PLEKHB1: variants seen among roughly 807,000 people sequenced by gnomAD.
PLEKHB1 encodes pleckstrin homology domain-containing family B member 1.
In PLEKHB1, 29 loss-of-function variants were observed where a neutral mutation model predicts 36.2. The ratio of observed to expected loss-of-function variants is 0.80; its 90% CI spans 0.60 to 1.09. The LOEUF is 1.09. Ranked by LOEUF, PLEKHB1 falls within the 50% of genes least tolerant of loss-of-function variation. PLEKHB1 has a pLI of 0.00. For missense variants in PLEKHB1, 330 were observed against 348.2 expected (o/e 0.95, Z 0.42); for synonymous variants, 138 against 140.0 (o/e 0.99, Z 0.10).
intron 6 of PLEKHB1, among the ~76,000 whole-genome samples, chr11:73,656,115 G>C (rs986338132): frequency 6.6e-6 from 1 of 152,192 alleles, no homozygotes; most frequent in Non-Finnish European, 1.5e-5. Flanking sequence ...TGTTCCCTCT[G>C]CTGACAAGAC....
In PLEKHB1 at chr11:73,651,897, C is replaced by A. The variant is rs1202666792; in HGVS notation, c.350+7C>A. ...AGACCAAGGATGATGCCCTGTGAGTCACTCCCAGGAGAGGATGGGGTGGAA... is the reference window on the plus strand; with the variant it reads ...AGACCAAGGATGATGCCCTGTGAGTAACTCCCAGGAGAGGATGGGGTGGAA... On this transcript the variant is annotated splice_region_variant and intron_variant, in intron 4 of 7. Coordinates refer to ENST00000354190, the MANE Select transcript of PLEKHB1 (RefSeq NM_021200.3). The A allele has an allele frequency of 5.0e-6, 8 of 1,610,662 alleles. No homozygotes were observed. The highest frequency in any genetic ancestry group is 6.8e-6 in the Non-Finnish European group (8 of 1,177,916).
At chr11:73,647,692 G>T in intron 1 of PLEKHB1, 1 of 985,494 alleles carries the variant, frequency 1.0e-6, no homozygotes, top group Non-Finnish European at 1.2e-6. Context: ...CAGCAGCATC[G>T]AGTAGCGGCC....
rs1944868486 is a variant in PLEKHB1, at chr11:73,650,589, C to T, written c.131C>T (p.Ala44Val). The change falls in exon 3 of 8, where the codon GCC (alanine) becomes GTC (valine). Residue 44 changes from alanine to valine, a missense_variant. By Grantham distance (64) the Ala-to-Val change is moderately conservative. Transcript: ENST00000354190. The stretch of plus-strand genomic sequence containing the variant: ...CGCCGCTGGAAGCGGAACTGGTTTG[C>T]CCTGTGGCTGGACGGGACCCTGGGA... ...ILRRWKRNWF[A>V]LWLDGTLGYY... 3 of 1,612,910 alleles carry T rather than the reference C, an allele frequency of 1.9e-6. No homozygotes were observed. Among genetic ancestry groups the T allele is most frequent in the Non-Finnish European group, 2.5e-6 (3 of 1,179,548 alleles).
chr11:73,661,345 G>A lies in PLEKHB1; in HGVS notation c.596-121G>A, dbSNP rs118082478. 0.01 allele frequency: 11,534 copies of A among 1,103,280 alleles called. 148 individuals carry two copies. Among genetic ancestry groups the A allele is most frequent in the Middle Eastern group, 0.038 (159 of 4,190 alleles). The allele number at this position is 1,103,280 out of a possible 1,614,324, so 68.3% of individuals were successfully genotyped here. ...GCGTCTAGATCTGTTCTTTGACTGG[G>A]GAGCAGGAGAGTGGGTTCGGCGCCT... On this transcript the variant is annotated intron_variant, in intron 7 of 7. Coordinates refer to ENST00000354190, the MANE Select transcript of PLEKHB1 (RefSeq NM_021200.3). This position sits in a 1 kb window ranked among gnomAD's most constrained non-coding sequence, Gnocchi z 4.6.
intron 5 of PLEKHB1, 54 bp from the exon 6 acceptor site, chr11:73,655,749 C>G (rs1292217159): frequency 2.4e-5 from 36 of 1,493,426 alleles, no homozygotes; most frequent in Non-Finnish European, 2.8e-5. Flanking sequence ...GTGTAGAGGG[C>G]CTCTGACACC....
chr11:73,649,214 C>A, intron 2 of PLEKHB1, 127 bp downstream of exon 2: 1 of 1,198,168 alleles, frequency 8.3e-7, no homozygotes, highest in Non-Finnish European at 1.2e-6. Flanking sequence ...CCATGCTCTT[C>A]CCTCTGCCTG....
chr11:73,648,749 A>C, intron 1 of PLEKHB1: 3 of 1,235,544 alleles, frequency 2.4e-6, no homozygotes, highest in Non-Finnish European at 3.1e-6. Flanking sequence ...GGATATGGCC[A>C]AAGTTACCAA....
chr11:73,656,006 T>C lies in PLEKHB1; in HGVS notation c.495+99T>C, dbSNP rs1944987310. 3 of 980,762 alleles carry C rather than the reference T, an allele frequency of 3.1e-6. No homozygotes were observed. In the South Asian group the frequency reaches 4.1e-5, roughly 13 times the overall value. The allele number at this position is 980,762 out of a possible 1,614,324, so 60.8% of individuals were successfully genotyped here. ...TCCCTTCCCTGTGACAAACATTCCA[T>C]GGCTCCCTATCACCCACAGGACACA... On this transcript the variant is annotated intron_variant, in intron 6 of 7. Coordinates refer to ENST00000354190, the MANE Select transcript of PLEKHB1 (RefSeq NM_021200.3).
chr11:73,660,923 C>T (rs1945099283), intron 7 of PLEKHB1, 71 bp downstream of exon 7: 1 of 1,373,814 alleles, frequency 7.3e-7, no homozygotes, highest in Middle Eastern at 2.0e-4. Flanking sequence ...AGCCCACGGT[C>T]CGTAAGTCCG....
intron 6 of PLEKHB1, among the ~76,000 whole-genome samples, chr11:73,657,224 T>C (rs1159814528): frequency 1.3e-5 from 2 of 152,162 alleles, no homozygotes; most frequent in Non-Finnish European, 2.9e-5. Flanking sequence ...ATTGTATAGA[T>C]GTGGCACTGT....
chr11:73,649,986 G>C (rs1014813299), intron 2 of PLEKHB1, among the ~76,000 whole-genome samples: 4 of 152,216 alleles, frequency 2.6e-5, no homozygotes, highest in Non-Finnish European at 4.4e-5. Flanking sequence ...AGGATTGCTT[G>C]AGCCCAGGAG....
At chr11:73,655,623 C>T (rs1289755436) in intron 5 of PLEKHB1, among the ~76,000 whole-genome samples, 180 bp from the exon 6 acceptor site, 1 of 152,210 alleles carries the variant, frequency 6.6e-6, no homozygotes, top group African/African-American at 2.4e-5. Context: ...CAGTCATCAG[C>T]ATTCTCTGAG....
chr11:73,650,840 C>G, intron 3 of PLEKHB1, 135 bp downstream of exon 3: 1 of 1,084,438 alleles, frequency 9.2e-7, no homozygotes, highest in Non-Finnish European at 1.3e-6. Context: ...GAGCCTCTGT[C>G]AACTCCAATT....
At chr11:73,660,730 C>T (rs1328176260) in intron 6 of PLEKHB1, 23 bp from the exon 7 acceptor site, 2 of 1,567,424 alleles carry the variant, frequency 1.3e-6, no homozygotes, top group Admixed American at 1.9e-5. Context: ...TTCCTGGGCA[C>T]CTGACATGGT....
chr11:73,651,823 C>T lies in PLEKHB1; in HGVS notation c.283C>T (p.Leu95=), dbSNP rs987219404. 3.1e-6 allele frequency: 5 copies of T among 1,613,612 alleles called. No homozygotes were observed. The African/African-American group carries it at 5.3e-5, about 17-fold the overall frequency. The change falls in exon 4 of 8, where the codon CTG becomes TTG. Residue 95 remains leucine, a synonymous_variant. Coordinates refer to ENST00000354190, the MANE Select transcript of PLEKHB1 (RefSeq NM_021200.3). ...QPPEGRSRDG[L]LTVNLREGGR... is the part of the protein sequence containing the mutation. ...CCCAGAGGGCCGGAGCCGAGATGGCCTGCTGACTGTGAACCTACGGGAAGG... is the reference window on the plus strand; with the variant it reads ...CCCAGAGGGCCGGAGCCGAGATGGCTTGCTGACTGTGAACCTACGGGAAGG...
Position 73,652,917 on chromosome 11 carries a change from G to C in PLEKHB1, c.351-58G>C. Reference sequence around the variant, plus strand: ...GGAGAGGAAAGTCTAAAATGTGGGGGCCCAATTCACCCACCCCCAAACTCC... The same window carrying C: ...GGAGAGGAAAGTCTAAAATGTGGGGCCCCAATTCACCCACCCCCAAACTCC... On this transcript the variant is annotated intron_variant, in intron 4 of 7. Transcript: ENST00000354190. The C allele has an allele frequency of 2.7e-6, 4 of 1,471,448 alleles. No homozygotes were observed. In the South Asian group the frequency reaches 5.0e-5, roughly 18 times the overall value. 91.1% of individuals were successfully genotyped at this position (1,471,448 alleles called of 1,614,324 possible). A position where few individuals can be genotyped will look rare whatever the true frequency, so the allele number is the denominator to read the frequency against.
At chr11:73,648,785 G>T in intron 1 of PLEKHB1, 1 of 1,295,264 alleles carries the variant, frequency 7.7e-7, no homozygotes, top group Non-Finnish European at 9.8e-7. Context: ...CAGGCTCCTG[G>T]TCCCCACCCC....
intron 1 of PLEKHB1, chr11:73,648,796 C>CA: frequency 7.6e-7 from 1 of 1,307,498 alleles, no homozygotes; most frequent in Non-Finnish European, 9.8e-7. Flanking sequence ...TCCCCACCCC[C>CA]ACCCCACACC....
At chr11:73,656,343 C>T (rs889249774) in intron 6 of PLEKHB1, among the ~76,000 whole-genome samples, 9 of 152,262 alleles carry the variant, frequency 5.9e-5, no homozygotes, top group Admixed American at 5.9e-4. Flanking sequence ...CCTAGAACTT[C>T]CTCCAAGGCA....
Sources: gnomAD v4.1 joint callset for allele counts (sites outside exome capture counted in the v4.1 genomes callset) on GRCh38, gnomAD v4.1.1 for gene constraint, Gnocchi (gnomAD v3.1) non-coding constraint, MANE v1.5 for transcripts, NCBI Gene and HGNC (gene_info 2026-07-23, HGNC 2026-07-21) for gene names.